Variants in GRID2 observed in about 807,000 individuals in gnomAD.
GRID2 encodes glutamate ionotropic receptor delta type subunit 2.
Under a neutral mutation model 114.8 loss-of-function variants are expected in GRID2, and 33 were observed. The observed-to-expected ratio is 0.29, with a 90% CI of 0.22 to 0.38. The LOEUF (loss-of-function observed/expected upper bound fraction) is 0.38. GRID2 is among the 10% of genes least tolerant of loss of function. The pLI, the probability that GRID2 is intolerant of heterozygous loss-of-function variation, is 1.00. For synonymous variants in GRID2, 505 were observed against 449.9 expected (o/e 1.12, Z -1.55); for missense variants, 1,184 against 1,257.7 (o/e 0.94, Z 0.89).
At chr4:92,962,610 G>A (rs1265756943) in intron 2 of GRID2, among the ~76,000 whole-genome samples, 1 of 151,916 alleles carries the variant, frequency 6.6e-6, no homozygotes, top group Non-Finnish European at 1.5e-5. Flanking sequence ...AAGAAGAAAA[G>A]AATAGTGTAT....
intron 1 of GRID2, among the ~76,000 whole-genome samples, chr4:92,421,850 A>G (rs1731924796): frequency 6.6e-6 from 1 of 152,148 alleles, no homozygotes; most frequent in African/African-American, 2.4e-5. Context: ...ACTATTAGAG[A>G]GCCAATAGTT....
At chr4:93,457,448 T>TGA (rs1723312576) in intron 11 of GRID2, among the ~76,000 whole-genome samples, 1 of 152,024 alleles carries the variant, frequency 6.6e-6, no homozygotes, top group Admixed American at 6.6e-5. Flanking sequence ...ATAAGGAGTT[T>TGA]GAACTGATCC....
At chr4:93,371,208 C>T (rs556328439) in intron 8 of GRID2, among the ~76,000 whole-genome samples, 81 of 152,222 alleles carry the variant, frequency 5.3e-4, no homozygotes, top group African/African-American at 1.9e-3. Context: ...TTGAAGTAAA[C>T]TAATGCCAAG....
intron 2 of GRID2, among the ~76,000 whole-genome samples, chr4:92,811,846 A>G (rs976208324): frequency 6.6e-6 from 1 of 152,132 alleles, no homozygotes; most frequent in Non-Finnish European, 1.5e-5. Flanking sequence ...AGGTAATCAA[A>G]TAATTCAAAA....
chr4:92,316,271 C>G (rs928854185), intron 1 of GRID2, among the ~76,000 whole-genome samples: 1 of 152,082 alleles, frequency 6.6e-6, no homozygotes, highest in African/African-American at 2.4e-5. Flanking sequence ...AGAAGCATGG[C>G]CTATATAAGA....
At chr4:93,204,709 A>G (rs1351662877) in intron 4 of GRID2, among the ~76,000 whole-genome samples, 1 of 152,214 alleles carries the variant, frequency 6.6e-6, no homozygotes, top group African/African-American at 2.4e-5. Flanking sequence ...ATAAGTTACC[A>G]ACAAGTTATC....
intron 2 of GRID2, among the ~76,000 whole-genome samples, chr4:92,734,771 GT>G (rs1347483850): frequency 1.4e-3 from 191 of 137,778 alleles, no homozygotes; most frequent in Admixed American, 4.4e-3. Flanking sequence ...CTTTTTTTTA[GT>G]TTTTTTTTTC....
At chr4:93,144,697 G>C (rs1483910020) in intron 4 of GRID2, among the ~76,000 whole-genome samples, 2 of 152,058 alleles carry the variant, frequency 1.3e-5, no homozygotes, top group African/African-American at 4.8e-5. Flanking sequence ...GTCAGAACCA[G>C]GGTTTCTTCA....
chr4:92,380,361 C>CA (rs1248385438), intron 1 of GRID2, among the ~76,000 whole-genome samples: 10 of 151,458 alleles, frequency 6.6e-5, no homozygotes, highest in Admixed American at 4.6e-4. Context: ...ACTAGCTCTT[C>CA]AAAAAAAAGT....
chr4:93,555,836 C>G (rs889143012), intron 13 of GRID2, among the ~76,000 whole-genome samples: 4 of 152,150 alleles, frequency 2.6e-5, no homozygotes, highest in African/African-American at 9.7e-5. Flanking sequence ...CAGGGATTGA[C>G]AGACACCTCG....
At position 93,173,431 on chromosome 4, in the gene GRID2, G is replaced by A. The variant is rs115806992; in HGVS notation, c.736-33973G>A. On this transcript the variant is annotated intron_variant, in intron 4 of 15. Transcript: ENST00000282020. ...CTAGGACAGGAAGGAAGGAAGGAAA[G>A]AAGAAAGAGAGGGAGGGAGGAAGAG... 9.8e-3 allele frequency among the ~76,000 whole-genome samples: 1,487 copies of A among 152,036 alleles called. 17 individuals are homozygous for A. Among genetic ancestry groups the A allele is most frequent in the African/African-American group, 0.034 (1,417 of 41,476 alleles).
chr4:93,182,966 G>A (rs999656553), intron 4 of GRID2, among the ~76,000 whole-genome samples: 2 of 152,170 alleles, frequency 1.3e-5, no homozygotes, highest in Non-Finnish European at 2.9e-5. Context: ...GCGAAGCCCC[G>A]CAGGTGTTTC....
intron 1 of GRID2, among the ~76,000 whole-genome samples, chr4:92,393,630 A>G (rs1477116111): frequency 6.6e-6 from 1 of 152,012 alleles, no homozygotes; most frequent in East Asian, 1.9e-4. Context: ...ATTTTCTTTC[A>G]CCAACCAATT....
At chr4:93,197,917 ATCT>A (rs1371159533) in intron 4 of GRID2, among the ~76,000 whole-genome samples, 4 of 152,312 alleles carry the variant, frequency 2.6e-5, no homozygotes, top group Non-Finnish European at 5.9e-5. Flanking sequence ...AATAGTTAAG[ATCT>A]TCTCACTTGA....
At chr4:92,643,505 G>T (rs960458121) in intron 2 of GRID2, among the ~76,000 whole-genome samples, 7 of 151,730 alleles carry the variant, frequency 4.6e-5, no homozygotes, top group African/African-American at 1.7e-4. Flanking sequence ...TAAAATAAAT[G>T]TACAAAAACT....
At chr4:92,740,216 T>G (rs1243940051) in intron 2 of GRID2, among the ~76,000 whole-genome samples, 1 of 152,180 alleles carries the variant, frequency 6.6e-6, no homozygotes, top group Non-Finnish European at 1.5e-5. Context: ...GAAAAGACAC[T>G]GGTCAACTGT....
chr4:93,213,084 T>A (rs964601877), intron 5 of GRID2, among the ~76,000 whole-genome samples: 1 of 151,394 alleles, frequency 6.6e-6, no homozygotes, highest in African/African-American at 2.4e-5. Context: ...GTTTGGGGGG[T>A]TTTGTTGTTG....
intron 1 of GRID2, among the ~76,000 whole-genome samples, chr4:92,480,663 G>A (rs1722542833): frequency 6.6e-6 from 1 of 152,092 alleles, no homozygotes; most frequent in Non-Finnish European, 1.5e-5. Flanking sequence ...TTCTTTGGCT[G>A]CACTGGTTTT....
chr4:92,612,215 G>A (rs1051429005), intron 2 of GRID2, among the ~76,000 whole-genome samples: 3 of 151,398 alleles, frequency 2.0e-5, no homozygotes, highest in Middle Eastern at 3.2e-3. Context: ...TTCTTAGAAA[G>A]GTTATCCTTT....
Sources: allele counts gnomAD v4.1 joint callset (sites outside exome capture counted in the v4.1 genomes callset), GRCh38; gene constraint gnomAD v4.1.1; transcripts MANE v1.5; gene names NCBI Gene and HGNC (gene_info 2026-07-23, HGNC 2026-07-21).